The following MYO9A variants were observed in gnomAD, a reference collection of about 807,000 sequenced individuals.
MYO9A encodes myosin IXA.
MYO9A carries 103 observed loss-of-function variants against 293.3 expected under a neutral mutation model. The observed-to-expected ratio is 0.35, with a 90% CI of 0.30 to 0.41. MYO9A has a LOEUF of 0.41. MYO9A is among the 10% of genes least tolerant of loss of function. The pLI is 1.00. For synonymous variants in MYO9A, 1,001 were observed against 1,035.7 expected, an observed-to-expected ratio of 0.97 and a Z score of 0.64; for missense variants, 2,685 against 3,033.0, an observed-to-expected ratio of 0.89 and a Z score of 2.69.
intron 1 of MYO9A, chr15:72,117,278 G>C (rs1048510125): frequency 6.6e-6 from 1 of 152,476 alleles, no homozygotes; most frequent in Non-Finnish European, 1.5e-5. Flanking sequence ...GTAGGGCGAG[G>C]GGCACATGGG....
chr15:71,956,326 A>ATATAT (rs1371050523), intron 14 of MYO9A, among the ~76,000 whole-genome samples: 177 of 9,850 alleles, frequency 0.018, no homozygotes, highest in South Asian at 0.088. Flanking sequence ...AAAAAAAAAA[A>ATATAT]AAAAATATAT....
At chr15:72,104,576 G>T (rs115105949) in intron 1 of MYO9A, among the ~76,000 whole-genome samples, 117 of 152,242 alleles carry the variant, frequency 7.7e-4, no homozygotes, top group African/African-American at 2.6e-3. Context: ...CAAATATTTT[G>T]ATCAATAAAT....
intron 1 of MYO9A, among the ~76,000 whole-genome samples, chr15:72,090,954 G>A (rs991017427): frequency 1.3e-5 from 2 of 149,916 alleles, no homozygotes; most frequent in Admixed American, 6.7e-5. Context: ...TTGAGCCCAC[G>A]AGTTCAAGAA....
intron 9 of MYO9A, chr15:71,999,088 A>T (rs991874462): frequency 6.6e-6 from 1 of 152,196 alleles, no homozygotes; most frequent in Non-Finnish European, 1.5e-5. Context: ...AAGGTGAGAT[A>T]AATGGATCAA....
Position 71,898,559 on chromosome 15 carries a change from A to C in MYO9A, c.3944T>G (p.Leu1315Arg). The change falls in exon 25 of 42, where the codon CTT (leucine) becomes CGT (arginine). Residue 1315 changes from leucine to arginine, a missense_variant. Transcript: ENST00000356056. ...ATCAGGTGTACCCCGTGGAGACTGA[A>C]GGCCTTCAGGCACCAATTCTGTAGA... ...RWSTELVPEG[L>R]QSPRGTPDSE... 1 of 1,614,078 alleles carries C rather than the reference A, an allele frequency of 6.2e-7. No individual in the cohort carries two copies. The highest frequency in any genetic ancestry group is 1.1e-5 in the South Asian group (1 of 91,082).
intron 3 of MYO9A, among the ~76,000 whole-genome samples, chr15:72,029,323 T>C (rs1019612520): frequency 2.0e-5 from 3 of 152,188 alleles, no homozygotes; most frequent in Non-Finnish European, 4.4e-5. Flanking sequence ...TTTTGTTGTT[T>C]GTCAGCATCA....
At chr15:71,985,126 A>C (rs2076377118) in intron 11 of MYO9A, among the ~76,000 whole-genome samples, 1 of 151,994 alleles carries the variant, frequency 6.6e-6, no homozygotes, top group Non-Finnish European at 1.5e-5. Context: ...CACCATGTTG[A>C]CCAGGCTGGT....
intron 6 of MYO9A, among the ~76,000 whole-genome samples, chr15:72,013,086 G>C (rs2077222103): frequency 6.6e-6 from 1 of 152,174 alleles, no homozygotes; most frequent in African/African-American, 2.4e-5. Context: ...CTCCCTGGGA[G>C]GCAGATCTTG....
chr15:72,101,701 C>T (rs1349852165), intron 1 of MYO9A, among the ~76,000 whole-genome samples: 2 of 130,026 alleles, frequency 1.5e-5, no homozygotes, highest in East Asian at 2.3e-4. Context: ...GGGGGGTCAG[C>T]CCCCCGCCCG....
At position 71,824,428 on chromosome 15, in the gene MYO9A, T is replaced by C. The variant is rs1023646482; in HGVS notation, c.*2152A>G. 3 of 152,142 alleles carry C rather than the reference T, an allele frequency of 2.0e-5. No individual in the cohort carries two copies. Among genetic ancestry groups the C allele is most frequent in the Non-Finnish European group, 4.4e-5 (3 of 68,018 alleles). The allele number at this position is 152,142 out of a possible 1,614,324, so 9.4% of individuals were successfully genotyped here. A position where few individuals can be genotyped will look rare whatever the true frequency, so the allele number is the denominator to read the frequency against. On this transcript the variant is annotated 3_prime_UTR_variant, in exon 42 of 42. Coordinates refer to ENST00000356056, the MANE Select transcript of MYO9A (RefSeq NM_006901.4). ...CTCTGGGCCACAGGAAATTATTCCA[T>C]AAGGGCAATCTCTTTTTTTCATACA...
Position 72,048,523 on chromosome 15 carries a change from T to C in MYO9A, c.-71-1889A>G, listed in dbSNP as rs976347593. ...TTAACAGTCCTATCTCATAGCATAC[T>C]GAAAATAGATTCCATCTATGGATCT... On this transcript the variant is annotated intron_variant, in intron 1 of 41. Transcript: ENST00000356056. Among the ~76,000 whole-genome samples, 3 of 152,336 alleles carry C rather than the reference T, an allele frequency of 2.0e-5. No homozygotes were observed. In the South Asian group the frequency reaches 6.2e-4, roughly 32 times the overall value.
At chr15:72,070,927 G>A (rs1415267143) in intron 1 of MYO9A, among the ~76,000 whole-genome samples, 3 of 152,178 alleles carry the variant, frequency 2.0e-5, no homozygotes, top group Middle Eastern at 3.2e-3. Flanking sequence ...GCACTTAAAT[G>A]TAAGACCTCA....
chr15:71,997,254 C>A (rs1032328958), intron 9 of MYO9A, among the ~76,000 whole-genome samples: 1 of 151,982 alleles, frequency 6.6e-6, no homozygotes. Context: ...CCCCATAGTA[C>A]CCCTAATGCT....
chr15:72,102,599 C>T (rs1209713841), intron 1 of MYO9A, among the ~76,000 whole-genome samples: 2 of 151,212 alleles, frequency 1.3e-5, no homozygotes, highest in Non-Finnish European at 2.9e-5. Flanking sequence ...TATCAGAAAG[C>T]CAATCAATAC....
intron 12 of MYO9A, among the ~76,000 whole-genome samples, chr15:71,971,454 G>T (rs1330630409): frequency 6.6e-6 from 1 of 151,918 alleles, no homozygotes; most frequent in African/African-American, 2.4e-5. Context: ...AGACGTGGTG[G>T]TATGTGCCTG....
intron 19 of MYO9A, among the ~76,000 whole-genome samples, chr15:71,906,979 C>T (rs2057677502): frequency 6.8e-6 from 1 of 147,396 alleles, no homozygotes; most frequent in Non-Finnish European, 1.5e-5. Context: ...TGTTAGGGTA[C>T]ATGTGCACAA....
chr15:71,866,682 G>T (rs1008221106), intron 32 of MYO9A, among the ~76,000 whole-genome samples: 1 of 152,092 alleles, frequency 6.6e-6, no homozygotes, highest in Admixed American at 6.6e-5. Flanking sequence ...AGTACTAATA[G>T]ATCTTTTTTC....
At chr15:71,921,357 T>C (rs1244566832) in intron 18 of MYO9A, among the ~76,000 whole-genome samples, 1 of 152,202 alleles carries the variant, frequency 6.6e-6, no homozygotes, top group African/African-American at 2.4e-5. Flanking sequence ...ACAAACTAAG[T>C]GCTGACTGTG....
At chr15:71,846,063 C>G (rs1240660359) in intron 39 of MYO9A, among the ~76,000 whole-genome samples, 4 of 152,188 alleles carry the variant, frequency 2.6e-5, no homozygotes, top group African/African-American at 9.6e-5. Flanking sequence ...AAACTTGTAT[C>G]TGCCCTGTGA....
Sources: gnomAD v4.1 joint callset for allele counts (sites outside exome capture counted in the v4.1 genomes callset) on GRCh38, gnomAD v4.1.1 for gene constraint, MANE v1.5 for transcripts, NCBI Gene and HGNC (gene_info 2026-07-23, HGNC 2026-07-21) for gene names.